EGFR: variants seen among roughly 807,000 people sequenced by gnomAD.
EGFR encodes the protein avian erythroblastic leukemia viral (v-erb-b) oncogene homolog.
A neutral mutation model predicts 143.0 loss-of-function variants in EGFR; 58 were observed. The ratio of observed to expected loss-of-function variants is 0.41; its 90% CI spans 0.33 to 0.50. The LOEUF (loss-of-function observed/expected upper bound fraction) is 0.50. EGFR is among the 20% of genes least tolerant of loss of function. EGFR has a pLI of 0.39. For missense variants in EGFR, 1,307 were observed against 1,579.0 expected (o/e 0.83, Z 2.92); for synonymous variants, 613 against 594.4 (o/e 1.03, Z -0.45).
intron 12 of EGFR, among the ~76,000 whole-genome samples, chr7:55,160,630 ACT>A (rs1023802999): frequency 3.0e-4 from 45 of 152,158 alleles, no homozygotes; most frequent in African/African-American, 9.9e-4. Flanking sequence ...GTTGTAGGTC[ACT>A]CTCTGCTCAT....
chr7:55,142,724 C>T (rs1053052175), intron 2 of EGFR, among the ~76,000 whole-genome samples: 23 of 152,204 alleles, frequency 1.5e-4, no homozygotes, highest in Admixed American at 3.9e-4. Flanking sequence ...GCCATACTCG[C>T]TCTTAAAAAC....
intron 1 of EGFR, among the ~76,000 whole-genome samples, chr7:55,101,056 C>T (rs56174870): frequency 0.043 from 6,588 of 152,326 alleles, 457 homozygotes; most frequent in African/African-American, 0.14. Context: ...TCTCCTCCCG[C>T]GGCTGAGCAG....
chr7:55,193,267 C>T (rs1007242833), intron 22 of EGFR, among the ~76,000 whole-genome samples: 1 of 152,138 alleles, frequency 6.6e-6, no homozygotes, highest in Non-Finnish European at 1.5e-5. Flanking sequence ...CCTTATGTGT[C>T]AGAGAGAACG....
intron 1 of EGFR, among the ~76,000 whole-genome samples, chr7:55,038,221 G>T (rs549958769): frequency 6.6e-6 from 1 of 152,168 alleles, no homozygotes; most frequent in Non-Finnish European, 1.5e-5. Context: ...GCTTCATGCC[G>T]AGTCCTTGTG....
rs1189597474 is a variant in EGFR at position 55,165,279 on chromosome 7, G to A, written c.1723-1G>A. 6.2e-7 allele frequency: 1 copy of A among 1,614,160 alleles called. No homozygotes were observed. The highest frequency in any genetic ancestry group is 8.5e-7 in the Non-Finnish European group (1 of 1,180,042). On this transcript the variant is annotated splice_acceptor_variant, in intron 14 of 27. Transcript: ENST00000275493. LOFTEE classifies it high-confidence loss of function. ...GAACATTTTTCTCCACCTTGGTGCA[G>A]GGACCAGACAACTGTATCCAGTGTG...
intron 13 of EGFR, among the ~76,000 whole-genome samples, chr7:55,163,328 T>C (rs769863705): frequency 2.6e-5 from 4 of 152,248 alleles, no homozygotes; most frequent in Non-Finnish European, 5.9e-5. Flanking sequence ...GTAATAACCA[T>C]TGAGCGAGTT....
rs889806929 is a variant in EGFR, at chr7:55,201,606, C to T, written c.3115-129C>T. ...AAAACTAAACCTAGTTGCTCTAAAACTAACGATTAAGACAAAAATTAAACA... is the reference window on the plus strand; with the variant it reads ...AAAACTAAACCTAGTTGCTCTAAAATTAACGATTAAGACAAAAATTAAACA... On this transcript the variant is annotated intron_variant, in intron 25 of 27. Coordinates refer to ENST00000275493, the MANE Select transcript of EGFR (RefSeq NM_005228.5). The T allele has an allele frequency of 2.6e-5, 34 of 1,312,260 alleles. No homozygotes were observed. In the Admixed American group the frequency reaches 2.8e-4, roughly 11 times the overall value. 81.3% of individuals were successfully genotyped at this position (1,312,260 alleles called of 1,614,324 possible). A position where few individuals can be genotyped will look rare whatever the true frequency, so the allele number is the denominator to read the frequency against.
intron 1 of EGFR, among the ~76,000 whole-genome samples, chr7:55,114,999 A>G (rs1221538676): frequency 2.0e-5 from 3 of 150,076 alleles, no homozygotes; most frequent in African/African-American, 7.4e-5. Context: ...CTCCTGCCTC[A>G]GCCTCCTGAG....
At chr7:55,161,014 G>C (rs1315364210) in intron 12 of EGFR, among the ~76,000 whole-genome samples, 1 of 152,238 alleles carries the variant, frequency 6.6e-6, no homozygotes, top group Non-Finnish European at 1.5e-5. Flanking sequence ...CCTATCAGCT[G>C]TGGGATTTGT....
intron 27 of EGFR, among the ~76,000 whole-genome samples, chr7:55,203,575 T>C (rs117355409): frequency 3.7e-4 from 55 of 147,612 alleles, no homozygotes; most frequent in East Asian, 3.2e-3. Flanking sequence ...CACACACACA[T>C]ACGCCACACA....
chr7:55,192,008 C>T (rs2128965015), intron 21 of EGFR, 134 bp downstream of exon 21: 1 of 1,359,800 alleles, frequency 7.4e-7, no homozygotes, highest in Non-Finnish European at 1.0e-6. Context: ...GCAGCAGCTG[C>T]TGCTGGCAGC....
rs545075689 is a variant in EGFR at position 55,157,237 on chromosome 7, C to A, written c.1207+405C>A. On this transcript the variant is annotated intron_variant, in intron 10 of 27. Coordinates refer to ENST00000275493, the MANE Select transcript of EGFR (RefSeq NM_005228.5). ...ACTGCCGCCTGAGCTCCGCTTCCTT[C>A]CTCTCTAAAATGGGAAGATTAGACC... Among the ~76,000 whole-genome samples, 10 of 152,370 alleles carry A rather than the reference C, an allele frequency of 6.6e-5. No homozygotes were observed. The South Asian group carries it at 2.1e-3, about 32-fold the overall frequency.
At chr7:55,168,735 G>T in intron 15 of EGFR, 1 of 650,936 alleles carries the variant, frequency 1.5e-6, no homozygotes, top group South Asian at 2.6e-5. Flanking sequence ...TCTTGTTATT[G>T]CCACCTGTGT....
At chr7:55,166,628 G>A (rs542075450) in intron 15 of EGFR, among the ~76,000 whole-genome samples, 1 of 151,754 alleles carries the variant, frequency 6.6e-6, no homozygotes, top group African/African-American at 2.4e-5. Flanking sequence ...GTGGTGAGGA[G>A]GTGGGAGTCA....
rs1249517220 is a variant in EGFR at position 55,208,599 on chromosome 7, G to A, written c.*2982G>A. On this transcript the variant is annotated 3_prime_UTR_variant, in exon 28 of 28. Coordinates refer to ENST00000275493, the MANE Select transcript of EGFR (RefSeq NM_005228.5). ...TTACACCATGCCCGTCACCCCATGAGGGATCAGAGAAGGGATGAGTCTTCT... is the reference window on the plus strand; with the variant it reads ...TTACACCATGCCCGTCACCCCATGAAGGATCAGAGAAGGGATGAGTCTTCT... 22 of 152,192 alleles carry A rather than the reference G, an allele frequency of 1.4e-4. No individual in the cohort carries two copies. Among genetic ancestry groups the A allele is most frequent in the Admixed American group, 1.4e-3 (22 of 15,272 alleles). 9.4% of individuals were successfully genotyped at this position (152,192 alleles called of 1,614,324 possible).
chr7:55,070,809 T>G (rs1789778711), intron 1 of EGFR, among the ~76,000 whole-genome samples: 1 of 152,242 alleles, frequency 6.6e-6, no homozygotes, highest in Non-Finnish European at 1.5e-5. Flanking sequence ...ACAGAACCAT[T>G]GCTGAGCTGT....
In EGFR at chr7:55,108,042, A is replaced by G. The variant is rs1792243685; in HGVS notation, c.89-34244A>G. On this transcript the variant is annotated intron_variant, in intron 1 of 27. Transcript: ENST00000275493. ...TTTCCTCTTTAGTTATTGTGTTTGA[A>G]AGATGAAGTTGAGACAAAAGTTCTA... 2.6e-5 allele frequency among the ~76,000 whole-genome samples: 4 copies of G among 152,342 alleles called. No homozygotes were observed. In the East Asian group the frequency reaches 7.7e-4, roughly 29 times the overall value.
intron 1 of EGFR, among the ~76,000 whole-genome samples, chr7:55,110,954 G>A (rs1161011707): frequency 1.3e-5 from 2 of 152,192 alleles, no homozygotes; most frequent in Admixed American, 6.5e-5. Context: ...TCCTTCCAGC[G>A]AATGGAGTTT....
intron 1 of EGFR, among the ~76,000 whole-genome samples, chr7:55,023,014 C>T (rs891611514): frequency 2.6e-5 from 4 of 152,142 alleles, no homozygotes; most frequent in Admixed American, 6.5e-5. Context: ...ACTTTTTTGA[C>T]GAGAGTGACA....
Sources: allele counts gnomAD v4.1 joint callset (sites outside exome capture counted in the v4.1 genomes callset), GRCh38; gene constraint gnomAD v4.1.1; transcripts MANE v1.5; gene names NCBI Gene and HGNC (gene_info 2026-07-23, HGNC 2026-07-21).